The following ZNF814 variants were observed in gnomAD, a reference collection of about 807,000 sequenced individuals.
The protein encoded by ZNF814 is zinc finger protein 814.
Under a neutral mutation model 7.5 loss-of-function variants are expected in ZNF814, and 5 were observed. That is an observed-to-expected ratio of 0.67 (90% CI 0.35 to 1.40). The LOEUF (loss-of-function observed/expected upper bound fraction) is 1.40. Ranked by LOEUF, ZNF814 falls within the 40% of genes most tolerant of loss-of-function variation. The pLI, the probability that ZNF814 is intolerant of heterozygous loss-of-function variation, is 0.04. For synonymous variants in ZNF814, 315 were observed against 340.7 expected (o/e 0.92, Z 0.83); for missense variants, 962 against 1,018.0 (o/e 0.94, Z 0.75).
intron 1 of ZNF814, among the ~76,000 whole-genome samples, chr19:57,885,722 A>T (rs1361796276): frequency 6.6e-6 from 1 of 152,056 alleles, no homozygotes; most frequent in Non-Finnish European, 1.5e-5. Flanking sequence ...AGAGAATAAG[A>T]TCTAGTATTT....
Position 57,870,750 on chromosome 19 carries a change from G to C in ZNF814, c.*2072C>G, listed in dbSNP as rs1005621601. ...TAATCCCAGGACTTTGGGAGGCTGA[G>C]GCCAGCAGATCACAAGGTCAGGAGT... On this transcript the variant is annotated 3_prime_UTR_variant, in exon 3 of 3. Coordinates refer to ENST00000435989, the MANE Select transcript of ZNF814 (RefSeq NM_001144989.2). 6.6e-6 allele frequency: 1 copy of C among 151,684 alleles called. No individual in the cohort carries two copies. The highest frequency in any genetic ancestry group is 1.9e-4 in the East Asian group (1 of 5,192). The allele number at this position is 151,684 out of a possible 1,614,324, so 9.4% of individuals were successfully genotyped here. A position where few individuals can be genotyped will look rare whatever the true frequency, so the allele number is the denominator to read the frequency against.
In ZNF814 at chr19:57,888,992, G is replaced by T; in HGVS notation, c.-190C>A. ...GTTCAGTCACCACAGTGCGGACCTA[G>T]CGCTCAGGAGCCTCTCCTACAAATA... On this transcript the variant is annotated 5_prime_UTR_variant, in exon 1 of 3. Transcript: ENST00000435989. 1.7e-6 allele frequency: 1 copy of T among 601,698 alleles called. No individual in the cohort carries two copies. Among genetic ancestry groups the T allele is most frequent in the Non-Finnish European group, 2.9e-6 (1 of 342,146 alleles). The allele number at this position is 601,698 out of a possible 1,614,324, so 37.3% of individuals were successfully genotyped here. A position where few individuals can be genotyped will look rare whatever the true frequency, so the allele number is the denominator to read the frequency against.
the ZNF814 span, among the ~76,000 whole-genome samples, chr19:57,894,499 T>C: frequency 6.6e-6 from 1 of 152,086 alleles, no homozygotes; most frequent in South Asian, 2.1e-4. Flanking sequence ...ATTTGTATCC[T>C]AGTGCTTCTT....
chr19:57,877,451 G>C (rs1382086248), intron 1 of ZNF814, among the ~76,000 whole-genome samples: 3 of 151,966 alleles, frequency 2.0e-5, no homozygotes, highest in African/African-American at 7.3e-5. Context: ...TTTTTTGTTT[G>C]TTTGTTTGTT....
chr19:57,883,583 C>A (rs1206176199), intron 1 of ZNF814, among the ~76,000 whole-genome samples: 1 of 150,788 alleles, frequency 6.6e-6, no homozygotes, highest in Admixed American at 6.6e-5. Context: ...ATCGCTTGAA[C>A]CTGGGAGGCG....
chr19:57,884,691 A>AT (rs776236714), intron 1 of ZNF814, among the ~76,000 whole-genome samples: 33 of 152,220 alleles, frequency 2.2e-4, no homozygotes, highest in Non-Finnish European at 4.4e-4. Flanking sequence ...ATCACTGGTC[A>AT]TAAGAGAATG....
At position 57,871,694 on chromosome 19, in the gene ZNF814, G is replaced by A. The variant is rs867818718; in HGVS notation, c.*1128C>T. 1 of 151,608 alleles carries A rather than the reference G, an allele frequency of 6.6e-6. No homozygotes were observed. The highest frequency in any genetic ancestry group is 2.1e-4 in the South Asian group (1 of 4,804). The allele number at this position is 151,608 out of a possible 1,614,324, so 9.4% of individuals were successfully genotyped here. On this transcript the variant is annotated 3_prime_UTR_variant, in exon 3 of 3. Transcript: ENST00000435989. ...TTCAAGTCAACGTAAGAGGCCTCTG[G>A]GATAAAAATGGGTAACGTCCATGGC...
the ZNF814 span, among the ~76,000 whole-genome samples, chr19:57,895,404 T>C: frequency 6.6e-6 from 1 of 151,998 alleles, no homozygotes; most frequent in East Asian, 1.9e-4. Context: ...GCCTCCCTAG[T>C]AGCTGGGATT....
At chr19:57,896,173 C>CAA in the ZNF814 span, among the ~76,000 whole-genome samples, 3,677 of 69,134 alleles carry the variant, frequency 0.053, 228 homozygotes, top group African/African-American at 0.14. The surrounding 1 kb of genome is among the most constrained non-coding windows in gnomAD (Gnocchi z 4.2). Context: ...GACTCCATCT[C>CAA]AAAAAAAAAA....
intron 1 of ZNF814, among the ~76,000 whole-genome samples, chr19:57,878,509 G>C (rs747102251): frequency 2.7e-5 from 4 of 146,650 alleles, no homozygotes; most frequent in African/African-American, 1.0e-4. Flanking sequence ...CACCAGGCTC[G>C]AGTGGGGTGG....
At chr19:57,898,201 T>A in the ZNF814 span, among the ~76,000 whole-genome samples, 1 of 152,222 alleles carries the variant, frequency 6.6e-6, no homozygotes, top group East Asian at 1.9e-4. Context: ...TTTTGCCATG[T>A]CTAGGGCTGG....
Position 57,874,719 on chromosome 19 carries a change from C to T in ZNF814, c.671G>A (p.Ser224Asn). 1.3e-6 allele frequency: 2 copies of T among 1,596,560 alleles called. No homozygotes were observed. Among genetic ancestry groups the T allele is most frequent in the South Asian group, 1.1e-5 (1 of 89,326 alleles). Residue 224 changes from serine (S) to asparagine (N), a missense_variant, in exon 3 of 3, where the codon AGC becomes AAC. Ser to Asn is a conservative substitution (Grantham distance 46). Coordinates refer to ENST00000435989, the MANE Select transcript of ZNF814 (RefSeq NM_001144989.2). ...GTGCTGACTGAGTATATGTTTGGTG[C>T]TAAAATGTTTCATGGATTCTCCACA... is the stretch of plus-strand genomic sequence containing the variant. ...YSCGESMKHF[S>N]TKHILSQHQR... is the part of the protein sequence containing the mutation.
chr19:57,873,998 G>C lies in ZNF814; in HGVS notation c.1392C>G (p.Phe464Leu). Residue 464 changes from phenylalanine (F) to leucine (L), a missense_variant, in exon 3 of 3, where the codon TTC (phenylalanine) becomes TTG (leucine). By Grantham distance (22) the Phe-to-Leu change is conservative. Around this residue, in one of 7 missense-constraint regions of ZNF814, gnomAD observed 665 missense variants for 551.4 expected, o/e 1.21. Transcript: ENST00000435989. ...AAGATTTCACACATTCTCCACACTT[G>C]AAAGGTCTTTCTCCGGCGTGAACTC... ...HQRVHAGERP[F>L]KCGECVKSFS... 1.9e-6 allele frequency: 3 copies of C among 1,613,066 alleles called. No homozygotes were observed. The highest frequency in any genetic ancestry group is 2.5e-6 in the Non-Finnish European group (3 of 1,179,788).
At chr19:57,889,215 A>C (rs867972228), upstream of ZNF814, 60 of 391,374 alleles carry the variant, frequency 1.5e-4, 1 homozygote, top group South Asian at 5.6e-3. Flanking sequence ...GCGCTTCTGC[A>C]GGAAAAGCCC....
At chr19:57,885,053 G>A (rs1600140039) in intron 1 of ZNF814, among the ~76,000 whole-genome samples, 1 of 152,156 alleles carries the variant, frequency 6.6e-6, no homozygotes, top group African/African-American at 2.4e-5. Context: ...CGGACGCAGT[G>A]GCTCACACCT....
chr19:57,899,525 G>A, the ZNF814 span, among the ~76,000 whole-genome samples: 1 of 152,228 alleles, frequency 6.6e-6, no homozygotes, highest in East Asian at 1.9e-4. Context: ...AAATTATTAG[G>A]AGACATTAAT....
the ZNF814 span, among the ~76,000 whole-genome samples, chr19:57,900,839 A>AGTTTTTTTTTTTT: frequency 2.2e-5 from 1 of 45,782 alleles, no homozygotes; most frequent in East Asian, 7.7e-4. Context: ...CCATGGCTGC[A>AGTTTTTTTTTTTT]TTTTTTTTTT....
the ZNF814 span, among the ~76,000 whole-genome samples, chr19:57,902,971 G>A: frequency 1.1e-4 from 16 of 152,142 alleles, no homozygotes; most frequent in African/African-American, 2.9e-4. Flanking sequence ...GAGCCACCCC[G>A]CCAGGCCGGA....
upstream of ZNF814, among the ~76,000 whole-genome samples, chr19:57,893,649 G>C (rs888189454): frequency 6.6e-6 from 1 of 151,732 alleles, no homozygotes; most frequent in African/African-American, 2.4e-5. Flanking sequence ...CCGGGTGCGG[G>C]GGCTCATGCC....
Sources: allele counts gnomAD v4.1 joint callset (sites outside exome capture counted in the v4.1 genomes callset), GRCh38; gene constraint gnomAD v4.1.1; regional missense constraint gnomAD v4.1.1; non-coding constraint Gnocchi (gnomAD v3.1); transcripts MANE v1.5; gene names NCBI Gene and HGNC (gene_info 2026-07-23, HGNC 2026-07-21).